SPAG16: variants seen among roughly 807,000 people sequenced by gnomAD.
SPAG16 encodes the protein sperm associated antigen 16, also known as sperm-associated antigen 16 protein.
In SPAG16, 86 loss-of-function variants were observed where a neutral mutation model predicts 80.4. That is an observed-to-expected ratio of 1.07 (90% confidence interval 0.90 to 1.28). The LOEUF (loss-of-function observed/expected upper bound fraction) is 1.28, where lower values mean the gene tolerates loss of function less well. SPAG16 is among the 50% of genes most tolerant of loss of function. The probability of loss-of-function intolerance (pLI) is 0.00; values close to 1 mark genes in which losing one functional copy is unlikely to be tolerated. For synonymous variants in SPAG16, 294 were observed against 265.9 expected (o/e 1.11, Z -1.03); for missense variants, 870 against 765.3 (o/e 1.14, Z -1.61).
At chr2:214,392,161 A>G (rs1483039208) in intron 15 of SPAG16, among the ~76,000 whole-genome samples, 1 of 151,736 alleles carries the variant, frequency 6.6e-6, no homozygotes, top group Admixed American at 6.6e-5. Flanking sequence ...CAGTCTCAGA[A>G]TTTTTTTTCT....
intron 11 of SPAG16, among the ~76,000 whole-genome samples, chr2:213,889,328 A>T (rs1389897937): frequency 6.6e-6 from 1 of 151,990 alleles, no homozygotes; most frequent in African/African-American, 2.4e-5. Context: ...AATATATTTT[A>T]CCAGGCTGAG....
intron 15 of SPAG16, among the ~76,000 whole-genome samples, chr2:214,302,469 T>A (rs1054672145): frequency 6.6e-6 from 1 of 152,116 alleles, no homozygotes; most frequent in Non-Finnish European, 1.5e-5. Flanking sequence ...ATAGTATTTG[T>A]TTTGTGAATA....
chr2:213,678,168 A>C lies in SPAG16; in HGVS notation c.1071-184317A>C, dbSNP rs535888017. ...CTAAATGCCCACAAGAGAAAGCAGG[A>C]AAGATGCAAAATTGACACCCTAACA... On this transcript the variant is annotated intron_variant, in intron 10 of 15. Coordinates refer to ENST00000331683, the MANE Select transcript of SPAG16 (RefSeq NM_024532.5). 1.5e-3 allele frequency among the ~76,000 whole-genome samples: 232 copies of C among 152,316 alleles called. 2 individuals are homozygous for C. The highest frequency in any genetic ancestry group is 5.1e-3 in the African/African-American group (213 of 41,576).
chr2:213,346,276 T>A (rs2064983352), intron 6 of SPAG16, among the ~76,000 whole-genome samples: 1 of 152,164 alleles, frequency 6.6e-6, no homozygotes. Flanking sequence ...TTAAGGAGAT[T>A]TTGGGCTGAG....
intron 15 of SPAG16, chr2:214,238,995 A>C (rs1056061284): frequency 6.6e-6 from 1 of 152,170 alleles, no homozygotes; most frequent in East Asian, 1.9e-4. Context: ...TACTTGCAGA[A>C]ATGCTATCTA....
intron 15 of SPAG16, among the ~76,000 whole-genome samples, chr2:214,177,743 A>G (rs1179764119): frequency 2.7e-5 from 4 of 149,926 alleles, no homozygotes; most frequent in African/African-American, 9.7e-5. Flanking sequence ...TATTTATAGT[A>G]CCTCTGCTAG....
intron 15 of SPAG16, among the ~76,000 whole-genome samples, chr2:214,393,621 G>T (rs1228023476): frequency 6.6e-6 from 1 of 151,880 alleles, no homozygotes; most frequent in Non-Finnish European, 1.5e-5. Flanking sequence ...AAATGTGTGT[G>T]TCATCTGTGC....
intron 13 of SPAG16, among the ~76,000 whole-genome samples, chr2:214,090,734 T>C (rs2125312155): frequency 6.6e-6 from 1 of 152,186 alleles, no homozygotes; most frequent in African/African-American, 2.4e-5. Context: ...GTTTCGAATA[T>C]CCTGATTTTA....
chr2:213,911,978 A>G (rs187214238), intron 11 of SPAG16, among the ~76,000 whole-genome samples: 3 of 152,306 alleles, frequency 2.0e-5, no homozygotes, highest in Non-Finnish European at 2.9e-5. Flanking sequence ...AATATGCAAC[A>G]TAGTGTTTTG....
At chr2:214,303,319 T>C (rs1694690872) in intron 15 of SPAG16, among the ~76,000 whole-genome samples, 3 of 152,206 alleles carry the variant, frequency 2.0e-5, no homozygotes, top group South Asian at 2.1e-4. Flanking sequence ...GCTGTTCTAG[T>C]GTTGATGAAT....
intron 13 of SPAG16, among the ~76,000 whole-genome samples, chr2:214,019,823 C>T (rs2047769465): frequency 6.6e-6 from 1 of 152,148 alleles, no homozygotes; most frequent in East Asian, 1.9e-4. Flanking sequence ...TGCTAGGCAA[C>T]ATCCTAGGTT....
chr2:213,960,194 T>C (rs984097020), intron 12 of SPAG16, among the ~76,000 whole-genome samples: 7 of 152,336 alleles, frequency 4.6e-5, no homozygotes, highest in African/African-American at 1.7e-4. Flanking sequence ...AGTTGTTATA[T>C]GTTTCAGCTC....
At chr2:213,579,692 C>T (rs1200726879) in intron 10 of SPAG16, among the ~76,000 whole-genome samples, 1 of 152,076 alleles carries the variant, frequency 6.6e-6, no homozygotes, top group African/African-American at 2.4e-5. Flanking sequence ...TGTCCCTTTA[C>T]ATTGATTTGA....
chr2:213,506,699 T>C (rs981871407), intron 10 of SPAG16, among the ~76,000 whole-genome samples: 2 of 152,340 alleles, frequency 1.3e-5, no homozygotes, highest in East Asian at 3.9e-4. Flanking sequence ...GGATGCCTTA[T>C]GTTGCGAGTG....
intron 10 of SPAG16, among the ~76,000 whole-genome samples, chr2:213,769,769 C>T (rs76168041): frequency 0.029 from 4,485 of 152,230 alleles, 73 homozygotes; most frequent in East Asian, 0.058. Flanking sequence ...ACAAAATGCA[C>T]AGACGTGTAC....
chr2:213,564,725 T>C (rs1399678490), intron 10 of SPAG16, among the ~76,000 whole-genome samples: 2 of 152,170 alleles, frequency 1.3e-5, no homozygotes, highest in African/African-American at 4.8e-5. Context: ...AAGCACTGTT[T>C]TGAGTACTTA....
At chr2:213,844,183 A>G (rs2074499568) in intron 10 of SPAG16, among the ~76,000 whole-genome samples, 1 of 152,234 alleles carries the variant, frequency 6.6e-6, no homozygotes. Flanking sequence ...TGACATTTCC[A>G]GTAACTTAGC....
intron 10 of SPAG16, among the ~76,000 whole-genome samples, chr2:213,857,692 G>A (rs1394491446): frequency 6.6e-6 from 1 of 152,046 alleles, no homozygotes; most frequent in Non-Finnish European, 1.5e-5. Context: ...GCTTCCCGTG[G>A]GTCAATGAGT....
intron 1 of SPAG16, among the ~76,000 whole-genome samples, chr2:213,288,459 C>T (rs2062140183): frequency 6.7e-6 from 1 of 149,512 alleles, no homozygotes; most frequent in Non-Finnish European, 1.5e-5. Flanking sequence ...CATCTGCCAC[C>T]ACACCTGGCT....
Sources: allele counts gnomAD v4.1 joint callset (sites outside exome capture counted in the v4.1 genomes callset), GRCh38; gene constraint gnomAD v4.1.1; transcripts MANE v1.5; gene names NCBI Gene and HGNC (gene_info 2026-07-23, HGNC 2026-07-21).